The following CCNY variants were observed in gnomAD, a reference collection of about 807,000 sequenced individuals.
The protein encoded by CCNY is cyclin-Y.
CCNY carries 19 observed loss-of-function variants against 42.8 expected under a neutral mutation model. That is an observed-to-expected ratio of 0.44 (90% CI 0.31 to 0.65). The LOEUF (loss-of-function observed/expected upper bound fraction) is 0.65, where lower values mean the gene tolerates loss of function less well. CCNY is among the 30% of genes least tolerant of loss of function. CCNY has a pLI of 0.07. For missense variants in CCNY, 370 were observed against 437.3 expected, an observed-to-expected ratio of 0.85 and a Z score of 1.37; for synonymous variants, 165 against 162.7, an observed-to-expected ratio of 1.01 and a Z score of -0.11.
At chr10:35,399,618 G>T (rs1837600542) in intron 1 of CCNY, among the ~76,000 whole-genome samples, 1 of 152,214 alleles carries the variant, frequency 6.6e-6, no homozygotes, top group South Asian at 2.1e-4. Flanking sequence ...AAGGTAGGGG[G>T]TTTGCTTCAT....
chr10:35,325,271 T>C (rs996189840), intron 3 of CCNY, among the ~76,000 whole-genome samples: 10 of 151,878 alleles, frequency 6.6e-5, no homozygotes, highest in Non-Finnish European at 1.2e-4. Context: ...CTCTGCCTCC[T>C]AGGTTCAAGC....
chr10:35,442,537 T>C (rs1838696749), intron 1 of CCNY, among the ~76,000 whole-genome samples: 1 of 152,200 alleles, frequency 6.6e-6, no homozygotes, highest in South Asian at 2.1e-4. Context: ...GAAAATAGTT[T>C]TTAAAAACAA....
chr10:35,351,146 AG>A (rs1302797422), intron 1 of CCNY, among the ~76,000 whole-genome samples: 1 of 152,206 alleles, frequency 6.6e-6, no homozygotes, highest in Non-Finnish European at 1.5e-5. Context: ...CAGAGCTCAA[AG>A]GGGACTGCCC....
At chr10:35,399,555 G>C (rs916161857) in intron 1 of CCNY, among the ~76,000 whole-genome samples, 4 of 152,226 alleles carry the variant, frequency 2.6e-5, no homozygotes, top group African/African-American at 9.6e-5. Flanking sequence ...CAATTGAAAA[G>C]GAGCAGGATG....
chr10:35,515,658 C>T (rs1246927634), intron 3 of CCNY, among the ~76,000 whole-genome samples: 1 of 152,172 alleles, frequency 6.6e-6, no homozygotes, highest in Non-Finnish European at 1.5e-5. Context: ...CACGTGGAAA[C>T]TTGTTTGCAT....
At chr10:35,509,007 G>C (rs1840268496) in intron 3 of CCNY, among the ~76,000 whole-genome samples, 1 of 152,072 alleles carries the variant, frequency 6.6e-6, no homozygotes, top group Non-Finnish European at 1.5e-5. Context: ...TTTTGTGAGT[G>C]GCTTCTTTCA....
intron 1 of CCNY, chr10:35,449,925 ACGGTGGGACCAGTCAGCAGGATT>A (rs1321880429): frequency 1.1e-5 from 4 of 357,808 alleles, no homozygotes; most frequent in Non-Finnish European, 1.2e-5. Flanking sequence ...TCAAGAGTTT[ACGGTGGGACCAGTCAGCAGGATT>A]CTGCATCTCC....
At chr10:35,356,673 A>T (rs1015584247) in intron 1 of CCNY, among the ~76,000 whole-genome samples, 1 of 152,178 alleles carries the variant, frequency 6.6e-6, no homozygotes, top group Admixed American at 6.5e-5. Context: ...TGCTACTTAC[A>T]TTGAGAACCT....
chr10:35,451,720 G>C (rs553995598), intron 1 of CCNY, among the ~76,000 whole-genome samples: 39 of 152,312 alleles, frequency 2.6e-4, no homozygotes, highest in African/African-American at 9.1e-4. Flanking sequence ...GGCCACACGG[G>C]GCTGGGCCTG....
intron 3 of CCNY, among the ~76,000 whole-genome samples, chr10:35,322,687 A>G (rs1048223790): frequency 6.6e-6 from 1 of 152,236 alleles, no homozygotes; most frequent in African/African-American, 2.4e-5. Flanking sequence ...AAGACACTGA[A>G]TAGGCACTTT....
At chr10:35,478,713 C>G (rs1473797417) in intron 1 of CCNY, among the ~76,000 whole-genome samples, 6 of 152,266 alleles carry the variant, frequency 3.9e-5, no homozygotes, top group Admixed American at 2.6e-4. Context: ...CAATACCATT[C>G]AGGACATAGG....
chr10:35,503,991 A>G (rs1840164547), intron 3 of CCNY, among the ~76,000 whole-genome samples: 1 of 152,180 alleles, frequency 6.6e-6, no homozygotes, highest in Admixed American at 6.5e-5. Flanking sequence ...GAAATTTATC[A>G]TTTAGTTTGT....
At chr10:35,347,926 C>T (rs1487348866) in intron 1 of CCNY, among the ~76,000 whole-genome samples, 1 of 152,082 alleles carries the variant, frequency 6.6e-6, no homozygotes, top group East Asian at 1.9e-4. Flanking sequence ...GTCAAAGTCC[C>T]GGAGGAGAAA....
intron 3 of CCNY, among the ~76,000 whole-genome samples, chr10:35,325,909 T>C (rs1423229490): frequency 6.6e-6 from 1 of 151,660 alleles, no homozygotes. Flanking sequence ...CAAGACGCCA[T>C]CTCTTAAAAA....
At chr10:35,273,837 C>T (rs754851602) in intron 3 of CCNY, among the ~76,000 whole-genome samples, 7 of 152,162 alleles carry the variant, frequency 4.6e-5, no homozygotes, top group Non-Finnish European at 8.8e-5. Flanking sequence ...CATCTTTTCC[C>T]ACCACAGGTC....
chr10:35,498,291 C>A (rs895594257), intron 2 of CCNY, among the ~76,000 whole-genome samples: 1 of 152,120 alleles, frequency 6.6e-6, no homozygotes, highest in Non-Finnish European at 1.5e-5. Context: ...ATACTGTGTG[C>A]GGCATAGAGC....
chr10:35,512,004 T>TCA (rs1840334365), intron 3 of CCNY, among the ~76,000 whole-genome samples: 1 of 152,014 alleles, frequency 6.6e-6, no homozygotes, highest in Non-Finnish European at 1.5e-5. Context: ...CGAGGCAAGG[T>TCA]GGTTACTGTA....
intron 3 of CCNY, among the ~76,000 whole-genome samples, chr10:35,253,870 A>G (rs945778806): frequency 1.8e-4 from 26 of 142,034 alleles, no homozygotes; most frequent in African/African-American, 6.8e-4. Context: ...CTGTTTGAGC[A>G]ACTGTTTTTT....
chr10:35,377,996 A>T (rs553293832), intron 1 of CCNY, among the ~76,000 whole-genome samples: 8 of 152,208 alleles, frequency 5.3e-5, no homozygotes, highest in Non-Finnish European at 1.0e-4. Flanking sequence ...TGTTTTATGG[A>T]CTTTTAAGAT....
Sources: gnomAD v4.1 joint callset for allele counts (sites outside exome capture counted in the v4.1 genomes callset) on GRCh38, gnomAD v4.1.1 for gene constraint, MANE v1.5 for transcripts, NCBI Gene and HGNC (gene_info 2026-07-23, HGNC 2026-07-21) for gene names.